Variants in RNF220 observed in about 807,000 individuals in gnomAD.
RNF220 encodes the protein E3 ubiquitin-protein ligase RNF220.
Under a neutral mutation model 67.1 loss-of-function variants are expected in RNF220, and 7 were observed. That is an observed-to-expected ratio of 0.10 (90% confidence interval 0.06 to 0.20). The LOEUF (loss-of-function observed/expected upper bound fraction) is 0.20. RNF220 is among the 10% of genes least tolerant of loss of function. The pLI is 1.00. For missense variants in RNF220, 565 were observed against 740.3 expected (o/e 0.76, Z 2.75); for synonymous variants, 270 against 283.2 (o/e 0.95, Z 0.47).
At chr1:44,450,112 G>A (rs746008513) in intron 2 of RNF220, among the ~76,000 whole-genome samples, 2 of 152,166 alleles carry the variant, frequency 1.3e-5, no homozygotes, top group Admixed American at 6.5e-5. Flanking sequence ...CGGAGGCTGA[G>A]GCAGGAGAAT....
intron 2 of RNF220, among the ~76,000 whole-genome samples, chr1:44,575,252 A>G (rs766892282): frequency 2.0e-5 from 3 of 152,202 alleles, no homozygotes; most frequent in African/African-American, 4.8e-5. Flanking sequence ...TAGCTCCCAC[A>G]TATCAGTGAG....
intron 2 of RNF220, among the ~76,000 whole-genome samples, chr1:44,509,589 A>G (rs758918560): frequency 8.6e-5 from 13 of 151,538 alleles, no homozygotes; most frequent in Non-Finnish European, 1.9e-4. Flanking sequence ...AAAGAAAAGA[A>G]AAAGAAAATA....
At chr1:44,612,498 T>G (rs920884102) in intron 2 of RNF220, among the ~76,000 whole-genome samples, 1 of 152,202 alleles carries the variant, frequency 6.6e-6, no homozygotes, top group Non-Finnish European at 1.5e-5. Flanking sequence ...TCCTCCTTCG[T>G]TTTAGCCCTC....
chr1:44,436,492 G>A (rs1271789607), intron 2 of RNF220, among the ~76,000 whole-genome samples: 1 of 152,136 alleles, frequency 6.6e-6, no homozygotes, highest in Non-Finnish European at 1.5e-5. Flanking sequence ...CAAAGGCCAG[G>A]GGAGGGACTT....
At chr1:44,530,579 C>G (rs555165026) in intron 2 of RNF220, among the ~76,000 whole-genome samples, 2 of 150,340 alleles carry the variant, frequency 1.3e-5, no homozygotes, top group Admixed American at 6.6e-5. Flanking sequence ...TCTTAAAAGT[C>G]TCTACACAAT....
chr1:44,645,214 C>A lies in RNF220; in HGVS notation c.1311-7C>A, dbSNP rs1385646299. The stretch of plus-strand genomic sequence containing the variant: ...TCACTTTGTTTTTCCTCCCTCCTTT[C>A]CTCCAGTGGCGGCCCTCCCAGCACG... On this transcript the variant is annotated splice_region_variant and splice_polypyrimidine_tract_variant and intron_variant, in intron 10 of 14. Transcript: ENST00000361799. This position sits in a 1 kb window ranked among gnomAD's most constrained non-coding sequence, Gnocchi z 5.0. The A allele has an allele frequency of 6.2e-7, 1 of 1,614,124 alleles. No individual in the cohort carries two copies. The highest frequency in any genetic ancestry group is 8.5e-7 in the Non-Finnish European group (1 of 1,180,024).
chr1:44,422,955 A>G (rs906436556), intron 2 of RNF220, among the ~76,000 whole-genome samples: 8 of 152,366 alleles, frequency 5.3e-5, no homozygotes, highest in African/African-American at 1.9e-4. Context: ...TTAATCATTC[A>G]GCTGTATTTA....
At chr1:44,492,264 A>G (rs1656919324) in intron 2 of RNF220, among the ~76,000 whole-genome samples, 1 of 152,252 alleles carries the variant, frequency 6.6e-6, no homozygotes, top group Admixed American at 6.5e-5. Flanking sequence ...GTCAGATAAT[A>G]GCAAGTGCTG....
intron 2 of RNF220, among the ~76,000 whole-genome samples, chr1:44,449,113 T>G (rs1234225694): frequency 6.6e-6 from 1 of 152,198 alleles, no homozygotes; most frequent in Non-Finnish European, 1.5e-5. Context: ...AACCTCAAAG[T>G]TAGGAGCATG....
intron 2 of RNF220, among the ~76,000 whole-genome samples, chr1:44,427,109 C>T (rs1053282177): frequency 1.2e-4 from 18 of 152,220 alleles, no homozygotes; most frequent in African/African-American, 2.6e-4. Context: ...AAAATCCCTA[C>T]GAGATAGGTG....
intron 2 of RNF220, among the ~76,000 whole-genome samples, chr1:44,443,926 A>G (rs1423414595): frequency 6.6e-6 from 1 of 152,184 alleles, no homozygotes; most frequent in Non-Finnish European, 1.5e-5. Flanking sequence ...CCCCGTCTCT[A>G]CTAAAAATAC....
Position 44,626,344 on chromosome 1 carries a change from G to A in RNF220, c.852G>A (p.Thr284=), listed in dbSNP as rs369684385. The part of the protein sequence containing the change: ...ASIKREGESP[T]ASPHSSATDD... ...TCAAGAGGGAAGGAGAGTCTCCAACGGCATCACCCCACTCATCTGCCACCG... is the reference window on the plus strand; with the variant it reads ...TCAAGAGGGAAGGAGAGTCTCCAACAGCATCACCCCACTCATCTGCCACCG... The change falls in exon 5 of 15, where the codon ACG becomes ACA. Residue 284 remains threonine (T), a synonymous_variant. Transcript: ENST00000361799. The A allele has an allele frequency of 1.1e-5, 18 of 1,613,930 alleles. No homozygotes were observed. In the African/African-American group the frequency reaches 1.3e-4, roughly 12 times the overall value.
At chr1:44,424,916 G>A (rs919726408) in intron 2 of RNF220, among the ~76,000 whole-genome samples, 43 of 152,256 alleles carry the variant, frequency 2.8e-4, no homozygotes, top group African/African-American at 1.2e-4. Flanking sequence ...TTGCTCTGCC[G>A]AGAAGGGGCT....
chr1:44,575,888 A>G (rs1393348795), intron 2 of RNF220, among the ~76,000 whole-genome samples: 1 of 152,244 alleles, frequency 6.6e-6, no homozygotes, highest in Non-Finnish European at 1.5e-5. Flanking sequence ...GCTTCTTAAG[A>G]AACATTTGTT....
intron 2 of RNF220, among the ~76,000 whole-genome samples, chr1:44,526,247 A>C (rs1660366285): frequency 6.6e-6 from 1 of 152,228 alleles, no homozygotes; most frequent in African/African-American, 2.4e-5. Context: ...AAGTCTCAAC[A>C]GTCTGCGTAC....
intron 2 of RNF220, among the ~76,000 whole-genome samples, chr1:44,564,911 C>T (rs974643648): frequency 7.6e-6 from 1 of 132,056 alleles, no homozygotes; most frequent in South Asian, 2.2e-4. Context: ...TTGTAAGTTC[C>T]TTTAGAAAAG....
In RNF220 at chr1:44,644,940, C is replaced by T. The variant is rs1644593630; in HGVS notation, c.1224-55C>T. ...GGAGGGCCATGCTCTCCTGAGGATT[C>T]AACCCTCATAGCCTGCTGCAAACTA... On this transcript the variant is annotated intron_variant, in intron 9 of 14. Coordinates refer to ENST00000361799, the MANE Select transcript of RNF220 (RefSeq NM_018150.4). 3.8e-6 allele frequency: 6 copies of T among 1,589,078 alleles called. No individual in the cohort carries two copies. In the Admixed American group the frequency reaches 1.0e-4, roughly 27 times the overall value.
At chr1:44,454,373 A>G (rs1300563024) in intron 2 of RNF220, among the ~76,000 whole-genome samples, 1 of 152,176 alleles carries the variant, frequency 6.6e-6, no homozygotes, top group Non-Finnish European at 1.5e-5. Flanking sequence ...ATACTGGAAA[A>G]TCATGGAATT....
At chr1:44,635,421 T>A (rs954446907) in intron 6 of RNF220, 124 bp from the exon 7 acceptor site, 73 of 1,436,220 alleles carry the variant, frequency 5.1e-5, no homozygotes, top group Non-Finnish European at 4.5e-5. Context: ...GAGGGCCAGA[T>A]CAGGCACTGA....
Sources: gnomAD v4.1 joint callset for allele counts (sites outside exome capture counted in the v4.1 genomes callset) on GRCh38, gnomAD v4.1.1 for gene constraint, Gnocchi (gnomAD v3.1) non-coding constraint, MANE v1.5 for transcripts, NCBI Gene and HGNC (gene_info 2026-07-23, HGNC 2026-07-21) for gene names.